DNAH12: variants seen among roughly 807,000 people sequenced by gnomAD.
DNAH12 encodes axonemal beta dynein heavy chain 12.
A neutral mutation model predicts 371.5 loss-of-function variants in DNAH12; 285 were observed. The ratio of observed to expected loss-of-function variants is 0.77; its 90% CI spans 0.70 to 0.85. The LOEUF (loss-of-function observed/expected upper bound fraction) is 0.85, where lower values mean the gene tolerates loss of function less well. Among genes scored for constraint, DNAH12 ranks in the 40% least tolerant of loss-of-function variants. DNAH12 has a pLI of 0.00. For missense variants in DNAH12, 3,611 were observed against 3,689.4 expected (o/e 0.98, Z 0.55); for synonymous variants, 1,200 against 1,213.0 (o/e 0.99, Z 0.22).
chr3:57,386,329 G>C (rs1246536605), intron 47 of DNAH12, 112 bp downstream of exon 47: 9 of 152,138 alleles, frequency 5.9e-5, no homozygotes, highest in Non-Finnish European at 8.8e-5. Context: ...AGATGTGAAA[G>C]ACATAACAAA....
At chr3:57,297,816 G>A (rs186376827) in intron 70 of DNAH12, among the ~76,000 whole-genome samples, 229 of 152,182 alleles carry the variant, frequency 1.5e-3, no homozygotes, top group Non-Finnish European at 2.2e-3. Context: ...ATAACTCACC[G>A]TGCAGAATTT....
intron 29 of DNAH12, among the ~76,000 whole-genome samples, chr3:57,443,142 C>T (rs1481219379): frequency 1.3e-5 from 2 of 152,104 alleles, no homozygotes; most frequent in Non-Finnish European, 2.9e-5. Context: ...TGGAGTCTTG[C>T]TCTGTCGCAC....
At chr3:57,475,250 A>G (rs1246488393) in intron 13 of DNAH12, among the ~76,000 whole-genome samples, 1 of 152,204 alleles carries the variant, frequency 6.6e-6, no homozygotes, top group East Asian at 1.9e-4. Flanking sequence ...AGAAAGCACT[A>G]GGTATAAAAT....
At chr3:57,487,117 A>C (rs1253930115) in intron 12 of DNAH12, among the ~76,000 whole-genome samples, 1 of 152,072 alleles carries the variant, frequency 6.6e-6, no homozygotes, top group Admixed American at 6.6e-5. Flanking sequence ...AGGACTTTAC[A>C]GTTAATTATT....
At chr3:57,535,096 C>A (rs958412730) in intron 2 of DNAH12, among the ~76,000 whole-genome samples, 8 of 152,160 alleles carry the variant, frequency 5.3e-5, no homozygotes, top group African/African-American at 1.9e-4. Context: ...AGGTAACTTG[C>A]CAAATTCACA....
At position 57,379,262 on chromosome 3, in the gene DNAH12, T is replaced by C. The variant is rs1244685532; in HGVS notation, c.8119A>G (p.Met2707Val). The C allele has an allele frequency of 6.6e-6, 1 of 152,152 alleles. No individual in the cohort carries two copies. Among genetic ancestry groups the C allele is most frequent in the Non-Finnish European group, 1.5e-5 (1 of 68,042 alleles). The allele number at this position is 152,152 out of a possible 1,614,324, so 9.4% of individuals were successfully genotyped here. A position where few individuals can be genotyped will look rare whatever the true frequency, so the allele number is the denominator to read the frequency against. ...VMQKIRSEYL[M>V]NPEFDPPKVA... ...TTAGGGGGATCAAATTCAGGGTTCATTAAGTATTCACTACGAATCTTCTGC... is the reference window on the plus strand; with the variant it reads ...TTAGGGGGATCAAATTCAGGGTTCACTAAGTATTCACTACGAATCTTCTGC... Residue 2707 changes from methionine (M) to valine (V), a missense_variant, in exon 52 of 74, where the codon ATG becomes GTG. Physicochemically the swap from Met to Val is conservative, Grantham distance 21. Coordinates refer to ENST00000495027, the MANE Select transcript of DNAH12 (RefSeq NM_001366028.2).
intron 65 of DNAH12, among the ~76,000 whole-genome samples, chr3:57,318,707 T>TAA (rs36036953): frequency 2.7e-4 from 40 of 148,714 alleles, no homozygotes; most frequent in South Asian, 6.4e-4. Context: ...ATTCCAAAAT[T>TAA]AAAAAAAAAA....
chr3:57,369,236 T>A (rs1217857149), intron 55 of DNAH12, among the ~76,000 whole-genome samples: 3,084 of 141,664 alleles, frequency 0.022, 44 homozygotes, highest in Non-Finnish European at 0.034. Context: ...AAAATATATA[T>A]ATATATATAT....
rs1043995708 is a variant in DNAH12 at position 57,466,384 on chromosome 3, C to T, written c.2349+2352G>A. ...GTCTCTTTTTATATTTTTTAGACCA[C>T]GCAAATGTATTCAACATTGAAAATA... On this transcript the variant is annotated intron_variant, in intron 17 of 73. Coordinates refer to ENST00000495027, the MANE Select transcript of DNAH12 (RefSeq NM_001366028.2). 7.9e-5 allele frequency among the ~76,000 whole-genome samples: 12 copies of T among 151,958 alleles called. No homozygotes were observed. The East Asian group carries it at 9.6e-4, about 12-fold the overall frequency.
intron 66 of DNAH12, among the ~76,000 whole-genome samples, 192 bp downstream of exon 66, chr3:57,314,302 G>C (rs941653760): frequency 3.3e-5 from 5 of 152,166 alleles, no homozygotes; most frequent in African/African-American, 1.2e-4. Flanking sequence ...GTTTAAGCCA[G>C]TTTGAATCAG....
chr3:57,547,456 C>T (rs1235985934), upstream of DNAH12, among the ~76,000 whole-genome samples: 1 of 151,996 alleles, frequency 6.6e-6, no homozygotes, highest in Non-Finnish European at 1.5e-5. Context: ...CCACGCCTGG[C>T]CGATGTACAT....
chr3:57,524,726 G>T (rs112850220), intron 2 of DNAH12, among the ~76,000 whole-genome samples: 2 of 152,112 alleles, frequency 1.3e-5, no homozygotes, highest in African/African-American at 4.8e-5. Flanking sequence ...AGGATTTCAG[G>T]TGGAGACATA....
intron 58 of DNAH12, among the ~76,000 whole-genome samples, chr3:57,362,124 T>C (rs2062950857): frequency 6.6e-6 from 1 of 152,154 alleles, no homozygotes; most frequent in African/African-American, 2.4e-5. Context: ...TTTGGTTTTC[T>C]GTCCTTGCAA....
chr3:57,438,476 A>G (rs2065200960), intron 29 of DNAH12, among the ~76,000 whole-genome samples: 1 of 152,228 alleles, frequency 6.6e-6, no homozygotes, highest in Non-Finnish European at 1.5e-5. Context: ...TCCAAATAGA[A>G]AAAGAAGAAG....
intron 11 of DNAH12, chr3:57,498,487 G>C: frequency 1.4e-6 from 1 of 713,626 alleles, no homozygotes. Flanking sequence ...TGGCTTAACA[G>C]TTTCTTAAAA....
In DNAH12 at chr3:57,453,802, G is replaced by A. The variant is rs563527960; in HGVS notation, c.3457-399C>T. On this transcript the variant is annotated intron_variant, in intron 23 of 73. Coordinates refer to ENST00000495027, the MANE Select transcript of DNAH12 (RefSeq NM_001366028.2). ...GTTGGCCAGGCTGGTCTCGAACCCCGACCTCAAGTGATCCACCCACCTCGG... is the reference window on the plus strand; with the variant it reads ...GTTGGCCAGGCTGGTCTCGAACCCCAACCTCAAGTGATCCACCCACCTCGG... 1.5e-4 allele frequency among the ~76,000 whole-genome samples: 23 copies of A among 152,024 alleles called. No homozygotes were observed. In the East Asian group the frequency reaches 2.7e-3, roughly 18 times the overall value.
At chr3:57,318,708 A>T (rs1017325879) in intron 65 of DNAH12, among the ~76,000 whole-genome samples, 25 of 69,610 alleles carry the variant, frequency 3.6e-4, no homozygotes, top group African/African-American at 4.2e-4. Context: ...TTCCAAAATT[A>T]AAAAAAAAAA....
At chr3:57,410,298 CA>C (rs1553682594) in intron 39 of DNAH12, among the ~76,000 whole-genome samples, 1 of 151,750 alleles carries the variant, frequency 6.6e-6, no homozygotes, top group Non-Finnish European at 1.5e-5. Context: ...TGCAATATTT[CA>C]AACTTTTCCA....
chr3:57,309,095 CTTA>C (rs1422831469), intron 69 of DNAH12, 53 bp downstream of exon 69: 60 of 1,356,752 alleles, frequency 4.4e-5, no homozygotes, highest in Non-Finnish European at 5.7e-5. Flanking sequence ...TTTTATTTTT[CTTA>C]TTAATATAAG....
Sources: gnomAD v4.1 joint callset for allele counts (sites outside exome capture counted in the v4.1 genomes callset) on GRCh38, gnomAD v4.1.1 for gene constraint, MANE v1.5 for transcripts, NCBI Gene and HGNC (gene_info 2026-07-23, HGNC 2026-07-21) for gene names.